NSUN6: variants seen among roughly 807,000 people sequenced by gnomAD.
NSUN6 encodes tRNA (cytosine(72)-C(5))-methyltransferase NSUN6.
NSUN6 carries 64 observed loss-of-function variants against 58.0 expected under a neutral mutation model. The observed-to-expected ratio is 1.10, with a 90% CI of 0.90 to 1.36. The LOEUF (loss-of-function observed/expected upper bound fraction) is 1.36, where lower values mean the gene tolerates loss of function less well. NSUN6 is among the 40% of genes most tolerant of loss of function. The probability of loss-of-function intolerance (pLI) is 0.00; values close to 1 mark genes in which losing one functional copy is unlikely to be tolerated. For missense variants in NSUN6, 701 were observed against 550.1 expected, an observed-to-expected ratio of 1.27 and a Z score of -2.74; for synonymous variants, 231 against 193.9, an observed-to-expected ratio of 1.19 and a Z score of -1.59.
At chr10:18,596,460 T>A (rs2057591100) in intron 6 of NSUN6, 133 bp from the exon 7 acceptor site, 1 of 579,926 alleles carries the variant, frequency 1.7e-6, no homozygotes, top group Non-Finnish European at 3.1e-6. Context: ...ACAATTTTTA[T>A]AAATATACTC....
At chr10:18,625,530 T>A (rs904335469) in intron 3 of NSUN6, among the ~76,000 whole-genome samples, 2 of 151,532 alleles carry the variant, frequency 1.3e-5, no homozygotes, top group African/African-American at 4.9e-5. Flanking sequence ...CTGACCAACA[T>A]GGTAAAACTC....
Position 18,616,262 on chromosome 10 carries a change from T to G in NSUN6, c.343A>C (p.Ile115Leu). The G allele has an allele frequency of 6.2e-7, 1 of 1,610,614 alleles. No individual in the cohort carries two copies. Among genetic ancestry groups the G allele is most frequent in the Non-Finnish European group, 8.5e-7 (1 of 1,176,866 alleles). Residue 115 changes from isoleucine to leucine, a missense_variant, in exon 4 of 11, where the codon ATT (isoleucine) becomes CTT (leucine). Transcript: ENST00000377304. ...KNIKKQQCEAIVGAQCGNAVL... is the reference protein window; with the variant it reads ...KNIKKQQCEALVGAQCGNAVL... ...GCATTGCCACACTGGGCTCCAACAATGGCTTCACACTGTTGTTTTTTAATA... is the reference window on the plus strand; with the variant it reads ...GCATTGCCACACTGGGCTCCAACAAGGGCTTCACACTGTTGTTTTTTAATA...
At chr10:18,546,252 C>G in intron 10 of NSUN6, 107 bp from the exon 11 acceptor site, 1 of 803,760 alleles carries the variant, frequency 1.2e-6, no homozygotes, top group Non-Finnish European at 2.2e-6. Context: ...CTACATCTTC[C>G]AAAAATAGAA....
At chr10:18,572,436 T>C (rs1003850188) in intron 8 of NSUN6, among the ~76,000 whole-genome samples, 1 of 150,566 alleles carries the variant, frequency 6.6e-6, no homozygotes, top group African/African-American at 2.4e-5. Flanking sequence ...CCCCATTCCA[T>C]TGTCCATTCC....
At chr10:18,636,709 T>C (rs898122508) in intron 3 of NSUN6, among the ~76,000 whole-genome samples, 2 of 151,860 alleles carry the variant, frequency 1.3e-5, no homozygotes, top group African/African-American at 4.8e-5. Flanking sequence ...CTGGCCAATA[T>C]GGTGAAACCC....
At chr10:18,587,134 G>C (rs568293906) in intron 7 of NSUN6, among the ~76,000 whole-genome samples, 3 of 152,156 alleles carry the variant, frequency 2.0e-5, no homozygotes, top group African/African-American at 7.2e-5. Flanking sequence ...AACACCAAAA[G>C]TATTTGCAAT....
chr10:18,547,495 C>T (rs984781744), intron 10 of NSUN6, among the ~76,000 whole-genome samples: 4 of 152,118 alleles, frequency 2.6e-5, no homozygotes, highest in African/African-American at 9.7e-5. Flanking sequence ...CTCAATGTAT[C>T]TGAATGTATG....
intron 3 of NSUN6, among the ~76,000 whole-genome samples, chr10:18,637,001 C>T (rs1456692439): frequency 1.4e-5 from 2 of 140,050 alleles, no homozygotes; most frequent in Non-Finnish European, 3.0e-5. Flanking sequence ...TCAGTCTTAT[C>T]GTCCGGGCTC....
intron 6 of NSUN6, among the ~76,000 whole-genome samples, chr10:18,609,085 G>A (rs1281582790): frequency 6.6e-6 from 1 of 152,238 alleles, no homozygotes; most frequent in African/African-American, 2.4e-5. Context: ...AAGGCAGGAG[G>A]ATCACTTGAG....
chr10:18,562,659 A>C (rs1057452732), intron 8 of NSUN6, among the ~76,000 whole-genome samples: 5 of 150,458 alleles, frequency 3.3e-5, no homozygotes, highest in African/African-American at 1.2e-4. Flanking sequence ...AATGGAAGGG[A>C]ATGGGAAGGA....
intron 8 of NSUN6, among the ~76,000 whole-genome samples, 172 bp from the exon 9 acceptor site, chr10:18,552,143 TG>T (rs1338327513): frequency 4.0e-5 from 6 of 149,772 alleles, no homozygotes; most frequent in African/African-American, 1.5e-4. Flanking sequence ...AATACAGATT[TG>T]ATGTGGTAGA....
chr10:18,635,317 C>G (rs1362905091), intron 3 of NSUN6, among the ~76,000 whole-genome samples: 1 of 152,118 alleles, frequency 6.6e-6, no homozygotes, highest in Admixed American at 6.5e-5. Context: ...TGTAATAAAC[C>G]TTAGCCATTA....
chr10:18,557,043 G>GTGGAA (rs1173037713), intron 8 of NSUN6, among the ~76,000 whole-genome samples: 2 of 150,208 alleles, frequency 1.3e-5, no homozygotes, highest in Admixed American at 1.3e-4. Context: ...GGAATGGAAA[G>GTGGAA]TGGAATGGAA....
At chr10:18,615,337 A>G (rs1013310290) in intron 4 of NSUN6, among the ~76,000 whole-genome samples, 3 of 152,154 alleles carry the variant, frequency 2.0e-5, no homozygotes, top group African/African-American at 4.8e-5. Context: ...TCATAAATTT[A>G]TTTGGTCTAT....
intron 3 of NSUN6, among the ~76,000 whole-genome samples, chr10:18,626,499 G>C (rs889292810): frequency 6.6e-6 from 1 of 152,244 alleles, no homozygotes; most frequent in African/African-American, 2.4e-5. Context: ...CGGACACAGT[G>C]GCTCACGCCT....
chr10:18,576,704 G>T (rs562330683), intron 8 of NSUN6, among the ~76,000 whole-genome samples: 1 of 152,266 alleles, frequency 6.6e-6, no homozygotes, highest in East Asian at 1.9e-4. Context: ...TTGGAGACCG[G>T]AAGGGATGCA....
At chr10:18,578,669 T>C (rs2131047351) in intron 8 of NSUN6, among the ~76,000 whole-genome samples, 1 of 152,330 alleles carries the variant, frequency 6.6e-6, no homozygotes, top group African/African-American at 2.4e-5. Context: ...TCTACTGAAA[T>C]ACCTTCTGGT....
chr10:18,559,440 C>T (rs28970502), intron 8 of NSUN6, among the ~76,000 whole-genome samples: 92,362 of 148,272 alleles, frequency 0.62, 28,612 homozygotes, highest in East Asian at 0.97. Context: ...GAGAATGGAA[C>T]AGAATGGAGA....
chr10:18,572,194 A>G (rs1313804788), intron 8 of NSUN6, among the ~76,000 whole-genome samples: 1 of 148,206 alleles, frequency 6.7e-6, no homozygotes, highest in African/African-American at 2.5e-5. Flanking sequence ...TCTATTGTCT[A>G]TTCCATTCCA....
Sources: allele counts gnomAD v4.1 joint callset (sites outside exome capture counted in the v4.1 genomes callset), GRCh38; gene constraint gnomAD v4.1.1; transcripts MANE v1.5; gene names NCBI Gene and HGNC (gene_info 2026-07-23, HGNC 2026-07-21).